ADAM7: variants seen among roughly 807,000 people sequenced by gnomAD.
ADAM7 encodes the protein ADAM metallopeptidase domain 7.
ADAM7 carries 97 observed loss-of-function variants against 102.9 expected under a neutral mutation model. That is an observed-to-expected ratio of 0.94 (90% confidence interval 0.80 to 1.12). The LOEUF (loss-of-function observed/expected upper bound fraction) is 1.12. ADAM7 is among the 50% of genes most tolerant of loss of function. The probability of loss-of-function intolerance (pLI) is 0.00; values close to 1 mark genes in which losing one functional copy is unlikely to be tolerated. For synonymous variants in ADAM7, 334 were observed against 304.4 expected, an observed-to-expected ratio of 1.10 and a Z score of -1.01; for missense variants, 991 against 908.7, an observed-to-expected ratio of 1.09 and a Z score of -1.16.
At chr8:24,496,822 C>A (rs1231004872) in intron 16 of ADAM7, among the ~76,000 whole-genome samples, 1 of 152,156 alleles carries the variant, frequency 6.6e-6, no homozygotes, top group Non-Finnish European at 1.5e-5. Context: ...GTGGAAGGGA[C>A]TTGCCTTGTA....
intron 16 of ADAM7, among the ~76,000 whole-genome samples, chr8:24,494,945 T>C (rs1820503859): frequency 6.6e-6 from 1 of 152,194 alleles, no homozygotes; most frequent in African/African-American, 2.4e-5. Flanking sequence ...GTGGGAAGCC[T>C]AGACTTCCAT....
chr8:24,500,859 G>C lies in ADAM7; in HGVS notation c.2072G>C (p.Arg691Pro). The C allele has an allele frequency of 5.0e-6, 8 of 1,612,978 alleles. No individual in the cohort carries two copies. Among genetic ancestry groups the C allele is most frequent in the Non-Finnish European group, 6.8e-6 (8 of 1,179,340 alleles). The change falls in exon 19 of 22, where the codon CGT (arginine) becomes CCT (proline). Residue 691 changes from arginine to proline, a missense_variant. Arg to Pro is a moderately radical substitution (Grantham distance 103). Coordinates refer to ENST00000175238, the MANE Select transcript of ADAM7 (RefSeq NM_003817.4). Reference sequence around the variant, plus strand: ...ATCGGAGTTCTTATACTATTAGTTCGTTACCGAAAATGTATCAAGTTGAAG... The same window carrying C: ...ATCGGAGTTCTTATACTATTAGTTCCTTACCGAAAATGTATCAAGTTGAAG... ...VGIGVLILLV[R>P]YRKCIKLKQV...
Position 24,509,454 on chromosome 8 carries a change from T to A in ADAM7, c.*908T>A. On this transcript the variant is annotated 3_prime_UTR_variant, in exon 22 of 22. Transcript: ENST00000175238. Reference sequence around the variant, plus strand: ...TCCTCTATTTTCTTCTTGTGAACTGTTAAAGCTACATGCATTATTTTTTTT... The same window carrying A: ...TCCTCTATTTTCTTCTTGTGAACTGATAAAGCTACATGCATTATTTTTTTT... 1 of 985,300 alleles carries A rather than the reference T, an allele frequency of 1.0e-6. No individual in the cohort carries two copies. 61.0% of individuals were successfully genotyped at this position (985,300 alleles called of 1,614,324 possible). A position where few individuals can be genotyped will look rare whatever the true frequency, so the allele number is the denominator to read the frequency against.
rs187110404 is a variant in ADAM7 at position 24,464,661 on chromosome 8, T to C, written c.312+701T>C. Reference sequence around the variant, plus strand: ...CTGTTGCCAGGCTGGAGCGCAGTGGTGCAATCTCAGCTCACTGCAACCTCC... The same window carrying C: ...CTGTTGCCAGGCTGGAGCGCAGTGGCGCAATCTCAGCTCACTGCAACCTCC... On this transcript the variant is annotated intron_variant, in intron 4 of 21. Transcript: ENST00000175238. Among the ~76,000 whole-genome samples the C allele has an allele frequency of 4.2e-3, 635 of 152,122 alleles. 1 individual carries two copies. Among genetic ancestry groups the C allele is most frequent in the Middle Eastern group, 0.02 (6 of 294 alleles).
In ADAM7 at chr8:24,509,459, G is replaced by A. The variant is rs1244705492; in HGVS notation, c.*913G>A. ...TATTTTCTTCTTGTGAACTGTTAAA[G>A]CTACATGCATTATTTTTTTTCCATT... On this transcript the variant is annotated 3_prime_UTR_variant, in exon 22 of 22. Transcript: ENST00000175238. 5.1e-6 allele frequency: 5 copies of A among 984,922 alleles called. No homozygotes were observed. Among genetic ancestry groups the A allele is most frequent in the Non-Finnish European group, 6.0e-6 (5 of 829,658 alleles). The allele number at this position is 984,922 out of a possible 1,614,324, so 61.0% of individuals were successfully genotyped here.
At chr8:24,501,705 C>A in intron 20 of ADAM7, 129 bp downstream of exon 20, 1 of 584,282 alleles carries the variant, frequency 1.7e-6, no homozygotes, top group South Asian at 2.8e-5. Flanking sequence ...TAACATGGTT[C>A]CACACACATG....
At chr8:24,466,031 T>A (rs1057290548) in intron 5 of ADAM7, among the ~76,000 whole-genome samples, 3 of 152,208 alleles carry the variant, frequency 2.0e-5, no homozygotes, top group African/African-American at 7.2e-5. Flanking sequence ...TTACTGAAAA[T>A]CATTTAGTCT....
intron 4 of ADAM7, among the ~76,000 whole-genome samples, chr8:24,464,271 A>G (rs1357303254): frequency 6.6e-6 from 1 of 152,204 alleles, no homozygotes; most frequent in African/African-American, 2.4e-5. Flanking sequence ...AAGGCACCTT[A>G]TGAGGCTGTG....
Position 24,509,217 on chromosome 8 carries a change from A to T in ADAM7, c.*671A>T, listed in dbSNP as rs1427887205. The T allele has an allele frequency of 1.5e-5, 15 of 985,490 alleles. No homozygotes were observed. Among genetic ancestry groups the T allele is most frequent in the Non-Finnish European group, 1.8e-5 (15 of 829,986 alleles). 61.0% of individuals were successfully genotyped at this position (985,490 alleles called of 1,614,324 possible). A position where few individuals can be genotyped will look rare whatever the true frequency, so the allele number is the denominator to read the frequency against. On this transcript the variant is annotated 3_prime_UTR_variant, in exon 22 of 22. Coordinates refer to ENST00000175238, the MANE Select transcript of ADAM7 (RefSeq NM_003817.4). ...AAGCTGACAGAGAAATCAGAGGGTT[A>T]CAAGAATTTCAGAAAATTTACTCCA...
At chr8:24,479,603 C>A (rs1038487330) in intron 8 of ADAM7, among the ~76,000 whole-genome samples, 1 of 152,068 alleles carries the variant, frequency 6.6e-6, no homozygotes, top group African/African-American at 2.4e-5. Flanking sequence ...TGGTTGTTGG[C>A]GTCCATGGAG....
At chr8:24,473,462 G>A (rs886604322) in intron 7 of ADAM7, among the ~76,000 whole-genome samples, 1 of 152,098 alleles carries the variant, frequency 6.6e-6, no homozygotes, top group Non-Finnish European at 1.5e-5. Context: ...GGGCATCAAA[G>A]CACCAAAAGA....
chr8:24,470,449 G>T (rs6988644), intron 7 of ADAM7, among the ~76,000 whole-genome samples: 1 of 151,816 alleles, frequency 6.6e-6, no homozygotes, highest in Admixed American at 6.6e-5. Context: ...CAAAAGGGTA[G>T]AGGGAAATAG....
At chr8:24,497,793 A>C (rs890466456) in intron 16 of ADAM7, among the ~76,000 whole-genome samples, 1 of 152,156 alleles carries the variant, frequency 6.6e-6, no homozygotes, top group East Asian at 1.9e-4. Flanking sequence ...TAAAGAATAC[A>C]TGCCATAAGC....
intron 2 of ADAM7, among the ~76,000 whole-genome samples, chr8:24,444,856 A>C (rs111288826): frequency 0.065 from 9,871 of 152,130 alleles, 483 homozygotes; most frequent in African/African-American, 0.13. Flanking sequence ...GTAGTTTATG[A>C]ATCTGGGCTT....
rs563240026 is a variant in ADAM7, at chr8:24,489,245, T to C, written c.1178T>C (p.Ile393Thr). ...KDYKPTCMLN[I>T]PFPYNFHDFQ... ...TATAAGCCAACATGCATGCTCAACA[T>C]TCCATTTCCTTACAATTTTCATGAT... The change falls in exon 12 of 22, where the codon ATT becomes ACT. Residue 393 changes from isoleucine (I) to threonine (T), a missense_variant. Ile to Thr is a moderately conservative substitution (Grantham distance 89). Transcript: ENST00000175238. 1.9e-6 allele frequency: 3 copies of C among 1,613,696 alleles called. No individual in the cohort carries two copies. The highest frequency in any genetic ancestry group is 1.7e-5 in the Admixed American group (1 of 59,998).
chr8:24,504,755 AC>A (rs34495448), intron 20 of ADAM7, among the ~76,000 whole-genome samples: 2,671 of 152,078 alleles, frequency 0.018, 72 homozygotes, highest in African/African-American at 0.06. Flanking sequence ...TGCAGAGCAT[AC>A]CCCCACTCTA....
chr8:24,465,607 T>G, intron 4 of ADAM7, 92 bp from the exon 5 acceptor site: 1 of 659,070 alleles, frequency 1.5e-6, no homozygotes, highest in Non-Finnish European at 2.2e-6. Flanking sequence ...AAATAAAACA[T>G]TGATATATTC....
chr8:24,455,759 A>G (rs1175520883), intron 3 of ADAM7, among the ~76,000 whole-genome samples: 2 of 152,248 alleles, frequency 1.3e-5, no homozygotes, highest in Non-Finnish European at 2.9e-5. Context: ...ATAAAATGAA[A>G]TGCACAAATT....
chr8:24,497,285 G>A (rs1217367270), intron 16 of ADAM7, among the ~76,000 whole-genome samples: 2 of 152,168 alleles, frequency 1.3e-5, no homozygotes, highest in African/African-American at 2.4e-5. Flanking sequence ...TCTCATGTAT[G>A]TCTTTATCAG....
Sources: allele counts gnomAD v4.1 joint callset (sites outside exome capture counted in the v4.1 genomes callset), GRCh38; gene constraint gnomAD v4.1.1; transcripts MANE v1.5; gene names NCBI Gene and HGNC (gene_info 2026-07-23, HGNC 2026-07-21).